The following TAF1L variants were observed in gnomAD, a reference collection of about 807,000 sequenced individuals.
TAF1L encodes the protein transcription initiation factor TFIID subunit 1-like.
TAF1L carries 30 observed loss-of-function variants against 128.8 expected under a neutral mutation model. The ratio of observed to expected loss-of-function variants is 0.23; its 90% CI spans 0.17 to 0.32. The LOEUF is 0.32. Ranked by LOEUF, TAF1L falls within the 10% of genes least tolerant of loss-of-function variation. The pLI, the probability that TAF1L is intolerant of heterozygous loss-of-function variation, is 1.00. For missense variants in TAF1L, 2,099 were observed against 2,253.7 expected, an observed-to-expected ratio of 0.93 and a Z score of 1.39; for synonymous variants, 764 against 790.7, an observed-to-expected ratio of 0.97 and a Z score of 0.57.
rs1301391628 is a variant in TAF1L at position 32,631,841 on chromosome 9, G to C, written c.3739C>G (p.Gln1247Glu). The C allele has an allele frequency of 1.2e-6, 2 of 1,613,990 alleles. No individual in the cohort carries two copies. The highest frequency in any genetic ancestry group is 2.2e-5 in the East Asian group (1 of 44,894). ...CGCTTAAGCCGCCTCAGTTGCTCTT[G>C]AATCCTCCGCCGTTCTTTCCGCATC... The part of the protein sequence containing the change: ...EEMRKERRRI[Q>E]EQLRRLKRNQ... Residue 1247 changes from glutamine to glutamate, a missense_variant, in exon 1 of 1, where the codon CAA becomes GAA. By Grantham distance (29) the Gln-to-Glu change is conservative. Coordinates refer to ENST00000242310, the MANE Select transcript of TAF1L (RefSeq NM_153809.2). This position sits in a 1 kb window ranked among gnomAD's most constrained non-coding sequence, Gnocchi z 4.1.
Position 32,634,324 on chromosome 9 carries a change from T to G in TAF1L, c.1256A>C (p.Glu419Ala). The G allele has an allele frequency of 6.2e-7, 1 of 1,614,210 alleles. No homozygotes were observed. Among genetic ancestry groups the G allele is most frequent in the Non-Finnish European group, 8.5e-7 (1 of 1,180,042 alleles). ...CAGCTGTGTCACCATCAGGAAGTTT[T>G]CGTCAGCCAGAAGATCAGTGCCATT... ...ESNGTDLLADENFLMVTQLHW... is the reference protein window; with the variant it reads ...ESNGTDLLADANFLMVTQLHW... The change falls in exon 1 of 1, where the codon GAA becomes GCA. Residue 419 changes from glutamate to alanine, a missense_variant. Glu to Ala is a moderately radical substitution (Grantham distance 107, BLOSUM62 -1). Coordinates refer to ENST00000242310, the MANE Select transcript of TAF1L (RefSeq NM_153809.2).
rs895801518 is a variant in TAF1L at position 32,629,703 on chromosome 9, G to A, written c.*396C>T. The A allele has an allele frequency of 1.1e-5, 3 of 281,448 alleles. No individual in the cohort carries two copies. Among genetic ancestry groups the A allele is most frequent in the African/African-American group, 4.4e-5 (2 of 45,176 alleles). The allele number at this position is 281,448 out of a possible 1,614,324, so 17.4% of individuals were successfully genotyped here. On this transcript the variant is annotated 3_prime_UTR_variant, in exon 1 of 1. Transcript: ENST00000242310. ...GATGGAGTCTCACTCTTTCGCCCAG[G>A]CTGGAGCGCAGTGGCGTGATCTCCA...
Position 32,635,618 on chromosome 9 carries a change from A to G in TAF1L, c.-39T>C, listed in dbSNP as rs765495136. ...AACAACAGTCGCCCGGAAGTGATCT[A>G]CTTAGCTCCCTTACCCTACCAGCGT... On this transcript the variant is annotated 5_prime_UTR_variant, in exon 1 of 1. Transcript: ENST00000242310. The G allele has an allele frequency of 8.6e-6, 13 of 1,510,678 alleles. No homozygotes were observed. Among genetic ancestry groups the G allele is most frequent in the East Asian group, 5.2e-5 (2 of 38,716 alleles). The allele number at this position is 1,510,678 out of a possible 1,614,324, so 93.6% of individuals were successfully genotyped here.
chr9:32,634,830 A>G lies in TAF1L; in HGVS notation c.750T>C (p.Phe250=). ...ACACTTTTCCAGGTCGAAATTCTGG[A>G]AAAAGTTCGGTGACACTTGGCAACA... The part of the protein sequence containing the change: ...TKLLPSVTEL[F]PEFRPGKVLR... The change falls in exon 1 of 1, where the codon TTT becomes TTC. Residue 250 remains phenylalanine, a synonymous_variant. Coordinates refer to ENST00000242310, the MANE Select transcript of TAF1L (RefSeq NM_153809.2). 1.2e-6 allele frequency: 2 copies of G among 1,614,196 alleles called. No individual in the cohort carries two copies. The highest frequency in any genetic ancestry group is 1.7e-6 in the Non-Finnish European group (2 of 1,180,034).
In TAF1L at chr9:32,635,596, A is replaced by G. The variant is rs372591119; in HGVS notation, c.-17T>C. 3.1e-6 allele frequency: 5 copies of G among 1,591,318 alleles called. No homozygotes were observed. The East Asian group carries it at 9.1e-5, about 29-fold the overall frequency. On this transcript the variant is annotated 5_prime_UTR_variant, in exon 1 of 1. Transcript: ENST00000242310. ...GGGTCGCATAAACCGGAAATAAAAC[A>G]ACAGTCGCCCGGAAGTGATCTACTT...
chr9:32,632,635 A>C lies in TAF1L; in HGVS notation c.2945T>G (p.Phe982Cys). The C allele has an allele frequency of 6.2e-7, 1 of 1,614,088 alleles. No homozygotes were observed. The highest frequency in any genetic ancestry group is 8.5e-7 in the Non-Finnish European group (1 of 1,180,012). The stretch of plus-strand genomic sequence containing the variant: ...TTTATTTGGAATCTTCACATAGGAG[A>C]ATCCTTCACCACACCCTGTGGGATC... Reference protein sequence around the residue: ...VADPTGCGEGFSYVKIPNKPT... With the variant: ...VADPTGCGEGCSYVKIPNKPT... The change falls in exon 1 of 1, where the codon TTC (phenylalanine) becomes TGC (cysteine). Residue 982 changes from phenylalanine (F) to cysteine (C), a missense_variant. Phe to Cys is a radical substitution (Grantham distance 205). Coordinates refer to ENST00000242310, the MANE Select transcript of TAF1L (RefSeq NM_153809.2). The surrounding 1 kb of genome is among the most constrained non-coding windows in gnomAD (Gnocchi z 4.4).
rs936487944 is a variant in TAF1L, at chr9:32,634,703, G to C, written c.877C>G (p.Gln293Glu). The change falls in exon 1 of 1, where the codon CAG (glutamine) becomes GAG (glutamate). Residue 293 changes from glutamine (Q) to glutamate (E), a missense_variant. By Grantham distance (29) the Gln-to-Glu change is conservative (BLOSUM62 2). Transcript: ENST00000242310. ...ACTGAGCATTCCACCTCCTGGATCT[G>C]CTCTTCCTGTATCAGCTCACGATGC... ...KKHRELIQEE[Q>E]IQEVECSVES... is the part of the protein sequence containing the mutation. 1 of 1,614,040 alleles carries C rather than the reference G, an allele frequency of 6.2e-7. No homozygotes were observed. Among genetic ancestry groups the C allele is most frequent in the African/African-American group, 1.3e-5 (1 of 74,904 alleles).
At position 32,634,226 on chromosome 9, in the gene TAF1L, G is replaced by C; in HGVS notation, c.1354C>G (p.Leu452Val). 4.3e-6 allele frequency: 7 copies of C among 1,614,158 alleles called. No individual in the cohort carries two copies. Among genetic ancestry groups the C allele is most frequent in the Non-Finnish European group, 5.9e-6 (7 of 1,180,024 alleles). The change falls in exon 1 of 1, where the codon CTG becomes GTG. Residue 452 changes from leucine to valine, a missense_variant. By Grantham distance (32) the Leu-to-Val change is conservative (BLOSUM62 1). This residue lies in a region of TAF1L where 1,213 missense variants were observed against 1,391.4 expected (regional missense o/e 0.87). Coordinates refer to ENST00000242310, the MANE Select transcript of TAF1L (RefSeq NM_153809.2). ...HKGTKPQGAS[L>V]AGWLPSIKTR... ...TTAATAGAAGGAAGCCAGCCTGCCA[G>C]GCTTGCACCCTGAGGTTTTGTCCCT...
rs201863867 is a variant in TAF1L at position 32,631,576 on chromosome 9, A to G, written c.4004T>C (p.Ile1335Thr). The G allele has an allele frequency of 6.8e-6, 11 of 1,614,026 alleles. No homozygotes were observed. Among genetic ancestry groups the G allele is most frequent in the Admixed American group, 1.7e-5 (1 of 60,002 alleles). ...TVIHNDNEEL[I>T]KVEGTKIVFG... ...GACAATTTTGGTCCCTTCAACCTTG[A>G]TAAGTTCTTCATTATCATTATGAAT... The change falls in exon 1 of 1, where the codon ATC (isoleucine) becomes ACC (threonine). Residue 1335 changes from isoleucine (I) to threonine (T), a missense_variant. Around this residue, in one of 4 missense-constraint regions of TAF1L, gnomAD observed 1,213 missense variants for 1,391.4 expected, o/e 0.87. Coordinates refer to ENST00000242310, the MANE Select transcript of TAF1L (RefSeq NM_153809.2). This position sits in a 1 kb window ranked among gnomAD's most constrained non-coding sequence, Gnocchi z 4.1.
rs201463066 is a variant in TAF1L at position 32,629,666 on chromosome 9, C to CT, written c.*432dup. On this transcript the variant is annotated 3_prime_UTR_variant, in exon 1 of 1. Coordinates refer to ENST00000242310, the MANE Select transcript of TAF1L (RefSeq NM_153809.2). Reference sequence around the variant, plus strand: ...AGATGATACCATGCTTGGAAATTTTCTTTTTTTTTGAGATGGAGTCTCACT... The same window carrying CT: ...AGATGATACCATGCTTGGAAATTTTCTTTTTTTTTTGAGATGGAGTCTCACT... 1.3e-3 allele frequency: 280 copies of CT among 222,576 alleles called. 1 individual carries two copies. Among genetic ancestry groups the CT allele is most frequent in the East Asian group, 0.013 (108 of 8,636 alleles). 13.8% of individuals were successfully genotyped at this position (222,576 alleles called of 1,614,324 possible).
Position 32,633,879 on chromosome 9 carries a change from G to A in TAF1L, c.1701C>T (p.Ile567=), listed in dbSNP as rs1247543825. Residue 567 remains isoleucine (I), a synonymous_variant, in exon 1 of 1, where the codon ATC becomes ATT. Transcript: ENST00000242310. The part of the protein sequence containing the change: ...SRILLGKTGV[I]REEPQQNMSQ... ...ACATGTTCTGCTGTGGTTCCTCCCTGATGACACCTGTTTTGCCCAAGAGAA... is the reference window on the plus strand; with the variant it reads ...ACATGTTCTGCTGTGGTTCCTCCCTAATGACACCTGTTTTGCCCAAGAGAA... 6.2e-7 allele frequency: 1 copy of A among 1,614,164 alleles called. No homozygotes were observed. Among genetic ancestry groups the A allele is most frequent in the South Asian group, 1.1e-5 (1 of 91,074 alleles).
At position 32,632,326 on chromosome 9, in the gene TAF1L, C is replaced by T. The variant is rs758423322; in HGVS notation, c.3254G>A (p.Cys1085Tyr). The T allele has an allele frequency of 6.2e-7, 1 of 1,614,208 alleles. No homozygotes were observed. Among genetic ancestry groups the T allele is most frequent in the South Asian group, 1.1e-5 (1 of 91,082 alleles). The change falls in exon 1 of 1, where the codon TGT becomes TAT. Residue 1085 changes from cysteine to tyrosine, a missense_variant. Around this residue, in one of 4 missense-constraint regions of TAF1L, gnomAD observed 1,213 missense variants for 1,391.4 expected, o/e 0.87. Coordinates refer to ENST00000242310, the MANE Select transcript of TAF1L (RefSeq NM_153809.2). The surrounding 1 kb of genome is among the most constrained non-coding windows in gnomAD (Gnocchi z 4.4). ...AEHQERYKEE[C>Y]QRIFDLQNKV... Reference sequence around the variant, plus strand: ...GTTCTGTAGGTCAAAGATACGCTGACATTCCTCTTTGTAACGCTCTTGATG... The same window carrying T: ...GTTCTGTAGGTCAAAGATACGCTGATATTCCTCTTTGTAACGCTCTTGATG...
Position 32,633,035 on chromosome 9 carries a change from T to G in TAF1L, c.2545A>C (p.Ile849Leu). 1 of 1,614,218 alleles carries G rather than the reference T, an allele frequency of 6.2e-7. No individual in the cohort carries two copies. The change falls in exon 1 of 1, where the codon ATA becomes CTA. Residue 849 changes from isoleucine to leucine, a missense_variant. Physicochemically the swap from Ile to Leu is conservative, Grantham distance 5. Coordinates refer to ENST00000242310, the MANE Select transcript of TAF1L (RefSeq NM_153809.2). The stretch of plus-strand genomic sequence containing the variant: ...GAATGGGAAGGAAAGGCTTTTTTTA[T>G]ATCTTCCATTCGTATCCTCCGTGGC... ...DRPRRIRMED[I>L]KKAFPSHSES...
In TAF1L at chr9:32,631,563, C is replaced by A. The variant is rs141716982; in HGVS notation, c.4017G>T (p.Gly1339=). 2 of 1,614,038 alleles carry A rather than the reference C, an allele frequency of 1.2e-6. No individual in the cohort carries two copies. Among genetic ancestry groups the A allele is most frequent in the Non-Finnish European group, 1.7e-6 (2 of 1,180,046 alleles). ...NDNEELIKVE[G]TKIVFGKQLI... The stretch of plus-strand genomic sequence containing the variant: ...GCTGTTTCCCGAAGACAATTTTGGT[C>A]CCTTCAACCTTGATAAGTTCTTCAT... Residue 1339 remains glycine, a synonymous_variant, in exon 1 of 1, where the codon GGG becomes GGT. Transcript: ENST00000242310. The surrounding 1 kb of genome is among the most constrained non-coding windows in gnomAD (Gnocchi z 4.1).
In TAF1L at chr9:32,632,394, G is replaced by A; in HGVS notation, c.3186C>T (p.Pro1062=). ...TTGATCCACGGGCAAATTTACTCATGGGCCCCTCTCCAGAATGAGCCTGTT... is the reference window on the plus strand; with the variant it reads ...TTGATCCACGGGCAAATTTACTCATAGGCCCCTCTCCAGAATGAGCCTGTT... ...STEQAHSGEG[P]MSKFARGSRF... is the part of the protein sequence containing the mutation. Residue 1062 remains proline (P), a synonymous_variant, in exon 1 of 1, where the codon CCC becomes CCT. Coordinates refer to ENST00000242310, the MANE Select transcript of TAF1L (RefSeq NM_153809.2). This position sits in a 1 kb window ranked among gnomAD's most constrained non-coding sequence, Gnocchi z 4.4. 1 of 1,614,146 alleles carries A rather than the reference G, an allele frequency of 6.2e-7. No homozygotes were observed. The highest frequency in any genetic ancestry group is 8.5e-7 in the Non-Finnish European group (1 of 1,180,016).
Position 32,633,199 on chromosome 9 carries a change from T to G in TAF1L, c.2381A>C (p.Glu794Ala), listed in dbSNP as rs1053278627. ...GCCAACCACAAAAATATCCACTAAT[T>G]CCCGAATATAGTAACCCTGTCTTGT... Reference protein sequence around the residue: ...IRTRQGYYIRELVDIFVVGQQ... With the variant: ...IRTRQGYYIRALVDIFVVGQQ... The change falls in exon 1 of 1, where the codon GAA (glutamate) becomes GCA (alanine). Residue 794 changes from glutamate (E) to alanine (A), a missense_variant. This residue lies in a region of TAF1L where 1,213 missense variants were observed against 1,391.4 expected (regional missense o/e 0.87). Coordinates refer to ENST00000242310, the MANE Select transcript of TAF1L (RefSeq NM_153809.2). The G allele has an allele frequency of 1.9e-6, 3 of 1,614,070 alleles. No individual in the cohort carries two copies. In the South Asian group the frequency reaches 3.3e-5, roughly 18 times the overall value.
rs891891690 is a variant in TAF1L at position 32,635,108 on chromosome 9, G to A, written c.472C>T (p.Pro158Ser). 2.5e-6 allele frequency: 4 copies of A among 1,613,980 alleles called. No individual in the cohort carries two copies. The highest frequency in any genetic ancestry group is 1.7e-5 in the Admixed American group (1 of 60,000). ...TTCATTGGTCCCGGGGGTGGAGGTG[G>A]AGGAGGCATCAACTTGCAATCAATG... ...EDIDCKLMPP[P>S]PPPPGPMKKD... The change falls in exon 1 of 1, where the codon CCA (proline) becomes TCA (serine). Residue 158 changes from proline to serine, a missense_variant. This residue lies in a region of TAF1L where 473 missense variants were observed against 429.6 expected (regional missense o/e 1.10). Transcript: ENST00000242310.
In TAF1L at chr9:32,631,953, GACAGC is replaced by G. The variant is rs921081805; in HGVS notation, c.3622_3626del (p.Ala1208HisfsTer2). 3.7e-6 allele frequency: 6 copies of G among 1,614,198 alleles called. No individual in the cohort carries two copies. Among genetic ancestry groups the G allele is most frequent in the Non-Finnish European group, 4.2e-6 (5 of 1,180,044 alleles). ...TCCGTATGCGCACATAGGCATCAAT[GACAGC>G]TGGTTTTCGGACTGTCTCACAGCGA... On this transcript the variant is annotated frameshift_variant, in exon 1 of 1. Coordinates refer to ENST00000242310, the MANE Select transcript of TAF1L (RefSeq NM_153809.2). LOFTEE classifies it high-confidence loss of function. This position sits in a 1 kb window ranked among gnomAD's most constrained non-coding sequence, Gnocchi z 4.1.
rs1657823271 is a variant in TAF1L, at chr9:32,634,832, A to G, written c.748T>C (p.Phe250Leu). 1.9e-6 allele frequency: 3 copies of G among 1,614,082 alleles called. No homozygotes were observed. Among genetic ancestry groups the G allele is most frequent in the Non-Finnish European group, 8.5e-7 (1 of 1,180,038 alleles). The stretch of plus-strand genomic sequence containing the variant: ...ACTTTTCCAGGTCGAAATTCTGGAA[A>G]AAGTTCGGTGACACTTGGCAACAGC... ...TKLLPSVTEL[F>L]PEFRPGKVLR... is the part of the protein sequence containing the mutation. Residue 250 changes from phenylalanine (F) to leucine (L), a missense_variant, in exon 1 of 1, where the codon TTT (phenylalanine) becomes CTT (leucine). Physicochemically the swap from Phe to Leu is conservative, Grantham distance 22. Transcript: ENST00000242310.
Sources: allele counts gnomAD v4.1 joint callset, GRCh38; gene constraint gnomAD v4.1.1; regional missense constraint gnomAD v4.1.1; non-coding constraint Gnocchi (gnomAD v3.1); transcripts MANE v1.5; gene names NCBI Gene and HGNC (gene_info 2026-07-23, HGNC 2026-07-21).